LTBP1: variants seen among roughly 807,000 people sequenced by gnomAD.
LTBP1 encodes the protein latent-transforming growth factor beta-binding protein 1.
LTBP1 carries 129 observed loss-of-function variants against 207.6 expected under a neutral mutation model. The ratio of observed to expected loss-of-function variants is 0.62; its 90% CI spans 0.54 to 0.72. The LOEUF (loss-of-function observed/expected upper bound fraction) is 0.72. LTBP1 is among the 30% of genes least tolerant of loss of function. LTBP1 has a pLI of 0.00. For synonymous variants in LTBP1, 963 were observed against 833.7 expected, an observed-to-expected ratio of 1.16 and a Z score of -2.67; for missense variants, 2,281 against 2,217.2, an observed-to-expected ratio of 1.03 and a Z score of -0.58.
intron 5 of LTBP1, among the ~76,000 whole-genome samples, chr2:33,140,669 AT>A (rs200209189): frequency 0.27 from 38,895 of 141,518 alleles, 5,367 homozygotes; most frequent in East Asian, 0.54. Flanking sequence ...TAATTAATTA[AT>A]TTTTTTTTTT....
At chr2:33,172,662 C>A (rs4616456) in intron 5 of LTBP1, among the ~76,000 whole-genome samples, 74,012 of 151,388 alleles carry the variant, frequency 0.49, 18,258 homozygotes, top group Non-Finnish European at 0.52. Flanking sequence ...ACCTAATAGA[C>A]ATCTACAGAA....
rs147026407 is a variant in LTBP1 at position 33,329,279 on chromosome 2, A to G, written c.3731-13559A>G. On this transcript the variant is annotated intron_variant, in intron 24 of 33. Transcript: ENST00000404816. The stretch of plus-strand genomic sequence containing the variant: ...AGATATATCTTTAACAACTTATCAT[A>G]CCTTTATTGGCCCTTTGGATATTGT... Among the ~76,000 whole-genome samples the G allele has an allele frequency of 2.1e-3, 327 of 152,282 alleles. 1 individual carries two copies. The highest frequency in any genetic ancestry group is 7.4e-3 in the African/African-American group (306 of 41,578).
At chr2:33,367,007 C>T (rs2094997079) in intron 31 of LTBP1, among the ~76,000 whole-genome samples, 1 of 152,184 alleles carries the variant, frequency 6.6e-6, no homozygotes, top group Admixed American at 6.6e-5. Flanking sequence ...TACCCCATCA[C>T]AGTTGAACTC....
At chr2:33,084,867 C>T (rs1484434803) in intron 3 of LTBP1, among the ~76,000 whole-genome samples, 1 of 152,188 alleles carries the variant, frequency 6.6e-6, no homozygotes, top group Admixed American at 6.5e-5. Context: ...CTGTGAGAAA[C>T]AGCTGGATGT....
At chr2:33,123,655 G>A (rs907286614) in intron 4 of LTBP1, among the ~76,000 whole-genome samples, 4 of 152,320 alleles carry the variant, frequency 2.6e-5, no homozygotes, top group African/African-American at 7.2e-5. Flanking sequence ...TGAAGGCATT[G>A]TGAATTGTAT....
At chr2:33,083,463 G>C (rs894124850) in intron 3 of LTBP1, among the ~76,000 whole-genome samples, 2 of 152,100 alleles carry the variant, frequency 1.3e-5, no homozygotes, top group Admixed American at 6.5e-5. Flanking sequence ...GAGTGACCCT[G>C]AGCTGGGGAG....
intron 22 of LTBP1, among the ~76,000 whole-genome samples, chr2:33,307,232 C>T (rs1467694138): frequency 6.6e-6 from 1 of 152,130 alleles, no homozygotes; most frequent in South Asian, 2.1e-4. Flanking sequence ...AACAGTTTTT[C>T]AAAACTTAAA....
intron 1 of LTBP1, 28 bp downstream of exon 1, chr2:32,947,846 C>CGCCCGCCT (rs777299883): frequency 4.7e-6 from 6 of 1,277,394 alleles, no homozygotes; most frequent in South Asian, 2.9e-5. Context: ...TCCGCCCGCC[C>CGCCCGCCT]GCCCGCCTCG....
intron 24 of LTBP1, among the ~76,000 whole-genome samples, chr2:33,318,549 G>A (rs901267656): frequency 3.3e-5 from 5 of 152,150 alleles, no homozygotes; most frequent in African/African-American, 9.7e-5. Flanking sequence ...TAAGTGCAGA[G>A]TGTAACGTGT....
At chr2:33,045,006 G>A (rs6759339) in intron 3 of LTBP1, among the ~76,000 whole-genome samples, 14,278 of 151,822 alleles carry the variant, frequency 0.094, 895 homozygotes, top group Non-Finnish European at 0.14. Flanking sequence ...TGTAAATTCT[G>A]GATATTAGCC....
At chr2:33,275,195 A>G in intron 17 of LTBP1, 105 bp downstream of exon 17, 1 of 1,334,544 alleles carries the variant, frequency 7.5e-7, no homozygotes, top group Non-Finnish European at 1.0e-6. Context: ...AGAATTTTTT[A>G]TTAAACAATT....
chr2:33,121,159 CTTTTT>C (rs61065486), intron 4 of LTBP1, among the ~76,000 whole-genome samples: 10 of 87,538 alleles, frequency 1.1e-4, no homozygotes, highest in African/African-American at 2.9e-4. Flanking sequence ...TTTGTAAAGT[CTTTTT>C]TTTTTTTTTT....
At chr2:33,216,248 G>A (rs1427443662) in intron 7 of LTBP1, among the ~76,000 whole-genome samples, 1 of 152,192 alleles carries the variant, frequency 6.6e-6, no homozygotes, top group Non-Finnish European at 1.5e-5. Context: ...GAACTCATTG[G>A]AATTAAGGAG....
At chr2:33,253,705 A>G (rs1243744837) in intron 11 of LTBP1, among the ~76,000 whole-genome samples, 7 of 152,142 alleles carry the variant, frequency 4.6e-5, no homozygotes, top group Admixed American at 6.5e-5. Flanking sequence ...ACCATAGCAG[A>G]CAAGATTTAA....
At chr2:33,152,871 T>C (rs1173505477) in intron 5 of LTBP1, among the ~76,000 whole-genome samples, 1 of 152,246 alleles carries the variant, frequency 6.6e-6, no homozygotes, top group Non-Finnish European at 1.5e-5. Context: ...CTCTAGCTGA[T>C]AATTGATTGT....
chr2:33,235,727 A>G (rs1398714305), intron 9 of LTBP1, among the ~76,000 whole-genome samples: 1 of 152,264 alleles, frequency 6.6e-6, no homozygotes, highest in African/African-American at 2.4e-5. Context: ...GCAGCCATAA[A>G]AAAGGATGAG....
Position 33,186,893 on chromosome 2 carries a change from C to T in LTBP1, c.1239C>T (p.Cys413=). The T allele has an allele frequency of 1.2e-6, 2 of 1,614,116 alleles. No homozygotes were observed. Among genetic ancestry groups the T allele is most frequent in the East Asian group, 2.2e-5 (1 of 44,884 alleles). ...TTCCATGTATGAATGGTGGCCAGTG[C>T]AGTTCAAGGGACAAATGTCAGTGCC... ...CHLPCMNGGQ[C]SSRDKCQCPP... is the part of the protein sequence containing the mutation. The change falls in exon 6 of 34, where the codon TGC becomes TGT. Residue 413 remains cysteine (C), a synonymous_variant. Coordinates refer to ENST00000404816, the MANE Select transcript of LTBP1 (RefSeq NM_206943.4).
rs766969571 is a variant in LTBP1 at position 33,397,228 on chromosome 2, A to G, written c.4930A>G (p.Thr1644Ala). ...GRCVRVQEGYTCDCFDGYHLD... is the reference protein window; with the variant it reads ...GRCVRVQEGYACDCFDGYHLD... ...CTGTGTGAGGGTCCAGGAAGGTTAC[A>G]CCTGCGATTGCTTTGATGGGTATCA... is the stretch of plus-strand genomic sequence containing the variant. Residue 1644 changes from threonine to alanine, a missense_variant, in exon 33 of 34, where the codon ACC becomes GCC. This residue lies in a region of LTBP1 where 1,671 missense variants were observed against 1,634.8 expected (regional missense o/e 1.02). Coordinates refer to ENST00000404816, the MANE Select transcript of LTBP1 (RefSeq NM_206943.4). 1 of 1,614,150 alleles carries G rather than the reference A, an allele frequency of 6.2e-7. No homozygotes were observed. The highest frequency in any genetic ancestry group is 1.7e-5 in the Admixed American group (1 of 60,028).
intron 15 of LTBP1, among the ~76,000 whole-genome samples, chr2:33,269,229 G>A (rs61050968): frequency 1.7e-3 from 261 of 152,270 alleles, no homozygotes; most frequent in African/African-American, 5.6e-3. Context: ...TTAGAAAATA[G>A]AGTAAAAATA....
Sources: allele counts gnomAD v4.1 joint callset (sites outside exome capture counted in the v4.1 genomes callset), GRCh38; gene constraint gnomAD v4.1.1; regional missense constraint gnomAD v4.1.1; transcripts MANE v1.5; gene names NCBI Gene and HGNC (gene_info 2026-07-23, HGNC 2026-07-21).